Variants in EPS15L1 observed in about 807,000 individuals in gnomAD.
The protein encoded by EPS15L1 is epidermal growth factor receptor pathway substrate 15 like 1, also known as epidermal growth factor receptor substrate 15-like 1.
In EPS15L1, 43 loss-of-function variants were observed where a neutral mutation model predicts 117.1. The ratio of observed to expected loss-of-function variants is 0.37; its 90% CI spans 0.29 to 0.47. EPS15L1 has a LOEUF of 0.47. EPS15L1 is among the 20% of genes least tolerant of loss of function. EPS15L1 has a pLI of 0.99. For missense variants in EPS15L1, 981 were observed against 1,164.0 expected, an observed-to-expected ratio of 0.84 and a Z score of 2.29; for synonymous variants, 459 against 470.5, an observed-to-expected ratio of 0.98 and a Z score of 0.32.
At position 16,438,016 on chromosome 19, in the gene EPS15L1, C is replaced by A; in HGVS notation, c.214-151G>T. 9 of 620,440 alleles carry A rather than the reference C, an allele frequency of 1.5e-5. No homozygotes were observed. In the South Asian group the frequency reaches 1.7e-4, roughly 12 times the overall value. 38.4% of individuals were successfully genotyped at this position (620,440 alleles called of 1,614,324 possible). A position where few individuals can be genotyped will look rare whatever the true frequency, so the allele number is the denominator to read the frequency against. On this transcript the variant is annotated intron_variant, in intron 4 of 23. Coordinates refer to ENST00000455140, the MANE Select transcript of EPS15L1 (RefSeq NM_001258374.3). ...AAACCCCTTGGAGCGTTGGGCTGAA[C>A]TGGACTCACCTTGGGGACATCGCTT...
chr19:16,452,946 A>G (rs914874354), intron 1 of EPS15L1, among the ~76,000 whole-genome samples: 1 of 151,930 alleles, frequency 6.6e-6, no homozygotes, highest in African/African-American at 2.4e-5. Context: ...ACAGGTGCCC[A>G]CCACCATGCC....
chr19:16,452,841 A>G (rs2093159495), intron 1 of EPS15L1, among the ~76,000 whole-genome samples: 2 of 151,724 alleles, frequency 1.3e-5, no homozygotes, highest in African/African-American at 4.8e-5. Context: ...CTGTCCCCCA[A>G]GCTGGAGCGC....
chr19:16,459,515 G>A (rs2145170587), intron 1 of EPS15L1, among the ~76,000 whole-genome samples: 1 of 152,288 alleles, frequency 6.6e-6, no homozygotes, highest in East Asian at 1.9e-4. Flanking sequence ...GCAGGAAGGT[G>A]CAGTTGGTAG....
chr19:16,391,013 T>C (rs901716831), intron 19 of EPS15L1, among the ~76,000 whole-genome samples: 2 of 152,108 alleles, frequency 1.3e-5, no homozygotes, highest in African/African-American at 4.8e-5. Context: ...GTCAAACCAA[T>C]GTTAAGTCCA....
intron 21 of EPS15L1, among the ~76,000 whole-genome samples, 197 bp from the exon 22 acceptor site, chr19:16,377,451 T>C (rs573150099): frequency 1.4e-4 from 22 of 152,282 alleles, no homozygotes; most frequent in African/African-American, 4.6e-4. Context: ...AGGGGCCCTC[T>C]GGCCTGTGGG....
intron 1 of EPS15L1, among the ~76,000 whole-genome samples, chr19:16,444,842 T>G (rs1239741273): frequency 6.6e-6 from 1 of 151,214 alleles, no homozygotes; most frequent in South Asian, 2.1e-4. Flanking sequence ...TTCTCCTACC[T>G]CAGCCTCCCG....
intron 1 of EPS15L1, among the ~76,000 whole-genome samples, chr19:16,458,367 C>T (rs1008954105): frequency 6.6e-6 from 1 of 152,146 alleles, no homozygotes; most frequent in South Asian, 2.1e-4. Flanking sequence ...TGAGCTGACA[C>T]ACACACCAAC....
rs1168005901 is a variant in EPS15L1 at position 16,355,574 on chromosome 19, C to T, written c.*131G>A. The T allele has an allele frequency of 1.6e-6, 2 of 1,223,646 alleles. No homozygotes were observed. The highest frequency in any genetic ancestry group is 2.2e-6 in the Non-Finnish European group (2 of 897,186). The allele number at this position is 1,223,646 out of a possible 1,614,324, so 75.8% of individuals were successfully genotyped here. On this transcript the variant is annotated 3_prime_UTR_variant, in exon 24 of 24. Transcript: ENST00000455140. ...CAGGTCTTGCAGCCGAGTCTGCTCA[C>T]CCTGAACAAGCCCCCGAGTCCCGGT...
intron 12 of EPS15L1, 162 bp downstream of exon 12, chr19:16,417,389 GC>G (rs1278945996): frequency 1.6e-6 from 1 of 629,470 alleles, no homozygotes; most frequent in African/African-American, 1.8e-5. Context: ...CATTCTTCAA[GC>G]CCCTTGAGCC....
rs1352374347 is a variant in EPS15L1 at position 16,405,368 on chromosome 19, G to C, written c.1267-619C>G. On this transcript the variant is annotated intron_variant, in intron 13 of 23. Coordinates refer to ENST00000455140, the MANE Select transcript of EPS15L1 (RefSeq NM_001258374.3). The surrounding 1 kb of genome is among the most constrained non-coding windows in gnomAD (Gnocchi z 4.0). ...AGACTGCGCTGGGCTCTGTGGTGGGGAGCCCGGTGGGATGTGTGAGTGTGG... is the reference window on the plus strand; with the variant it reads ...AGACTGCGCTGGGCTCTGTGGTGGGCAGCCCGGTGGGATGTGTGAGTGTGG... 6.6e-6 allele frequency among the ~76,000 whole-genome samples: 1 copy of C among 152,194 alleles called. No individual in the cohort carries two copies. The highest frequency in any genetic ancestry group is 1.5e-5 in the Non-Finnish European group (1 of 68,022).
Position 16,402,390 on chromosome 19 carries a change from G to A in EPS15L1, c.1722C>T (p.Ala574=), listed in dbSNP as rs760190116. Residue 574 remains alanine (A), a synonymous_variant, in exon 16 of 24, where the codon GCC becomes GCT. Coordinates refer to ENST00000455140, the MANE Select transcript of EPS15L1 (RefSeq NM_001258374.3). ...TCAGGTTGGCCAGGTCGGTCAGGCT[G>A]GCACCATGGGCTCCATCGAGCACCT... ...YDQVLDGAHG[A]SLTDLANLSE... 13 of 1,614,126 alleles carry A rather than the reference G, an allele frequency of 8.1e-6. No homozygotes were observed. The South Asian group carries it at 1.4e-4, about 18-fold the overall frequency.
chr19:16,451,455 G>C (rs955466462), intron 1 of EPS15L1, among the ~76,000 whole-genome samples: 2 of 152,030 alleles, frequency 1.3e-5, no homozygotes, highest in Admixed American at 6.6e-5. Context: ...AAGGCATTGT[G>C]GTTATGTAAA....
chr19:16,401,536 G>A (rs913077099), intron 16 of EPS15L1: 38 of 985,720 alleles, frequency 3.9e-5, no homozygotes, highest in South Asian at 2.3e-4. Context: ...TGCGCGGCCC[G>A]GCCCATCCGC....
chr19:16,446,505 A>G (rs1324052249), intron 1 of EPS15L1, among the ~76,000 whole-genome samples: 2 of 152,210 alleles, frequency 1.3e-5, no homozygotes, highest in Non-Finnish European at 2.9e-5. Flanking sequence ...TTTCCTATCC[A>G]GTACCTCTCA....
At chr19:16,455,026 G>T (rs983866035) in intron 1 of EPS15L1, among the ~76,000 whole-genome samples, 3 of 152,052 alleles carry the variant, frequency 2.0e-5, no homozygotes, top group Admixed American at 2.0e-4. Flanking sequence ...CTACTTGGGA[G>T]GCTGAGGCAG....
At chr19:16,373,417 GGTTT>G (rs1177862631) in intron 22 of EPS15L1, among the ~76,000 whole-genome samples, 17 of 151,428 alleles carry the variant, frequency 1.1e-4, no homozygotes, top group South Asian at 1.0e-3. Flanking sequence ...GGCTTTTTTT[GGTTT>G]GTTTGTTTGT....
chr19:16,434,260 A>T, intron 7 of EPS15L1, 105 bp downstream of exon 7: 10 of 1,452,780 alleles, frequency 6.9e-6, no homozygotes, highest in Non-Finnish European at 9.3e-6. Context: ...GCACAGGGAG[A>T]AAACAGAGCA....
chr19:16,429,258 T>C (rs1008333535), intron 7 of EPS15L1, among the ~76,000 whole-genome samples: 1 of 152,118 alleles, frequency 6.6e-6, no homozygotes, highest in Admixed American at 6.5e-5. Flanking sequence ...GGCCACTCAG[T>C]GCGCTGAAGA....
intron 8 of EPS15L1, among the ~76,000 whole-genome samples, chr19:16,425,605 G>T (rs1287284965): frequency 6.6e-6 from 1 of 152,176 alleles, no homozygotes. Context: ...CCAGCTCCAG[G>T]GCTGGCACCT....
Sources: gnomAD v4.1 joint callset for allele counts (sites outside exome capture counted in the v4.1 genomes callset) on GRCh38, gnomAD v4.1.1 for gene constraint, Gnocchi (gnomAD v3.1) non-coding constraint, MANE v1.5 for transcripts, NCBI Gene and HGNC (gene_info 2026-07-23, HGNC 2026-07-21) for gene names.